Variants in DACH1 observed in about 807,000 individuals in gnomAD.
DACH1 encodes dachshund family transcription factor 1, also known as dachshund homolog 1.
A neutral mutation model predicts 54.2 loss-of-function variants in DACH1; 12 were observed. The ratio of observed to expected loss-of-function variants is 0.22; its 90% CI spans 0.14 to 0.36. The LOEUF (loss-of-function observed/expected upper bound fraction) is 0.36. Ranked by LOEUF, DACH1 falls within the 10% of genes least tolerant of loss-of-function variation. DACH1 has a pLI of 1.00. For synonymous variants in DACH1, 386 were observed against 366.2 expected, an observed-to-expected ratio of 1.05 and a Z score of -0.62; for missense variants, 805 against 929.8, an observed-to-expected ratio of 0.87 and a Z score of 1.75.
chr13:71,500,866 G>T lies in DACH1; in HGVS notation c.1571-11718C>A, dbSNP rs1331026. Among the ~76,000 whole-genome samples, 236 of 151,404 alleles carry T rather than the reference G, an allele frequency of 1.6e-3. 1 individual carries two copies. Among genetic ancestry groups the T allele is most frequent in the South Asian group, 7.3e-3 (35 of 4,776 alleles). ...AATCATAGAATCTACTTAAAAAGTG[G>T]TTTTTTTTTAAATTAAGCCTGAATA... On this transcript the variant is annotated intron_variant, in intron 6 of 10. Coordinates refer to ENST00000613252, the MANE Select transcript of DACH1 (RefSeq NM_080759.6).
intron 3 of DACH1, among the ~76,000 whole-genome samples, chr13:71,623,944 T>C (rs1270273447): frequency 6.6e-6 from 1 of 151,864 alleles, no homozygotes; most frequent in Non-Finnish European, 1.5e-5. Context: ...CATTTATCCT[T>C]TAGATTTTCA....
chr13:71,649,708 C>T (rs1027689847), intron 2 of DACH1, among the ~76,000 whole-genome samples: 9 of 152,200 alleles, frequency 5.9e-5, no homozygotes, highest in Middle Eastern at 3.4e-3. Flanking sequence ...ACAAAAAGAT[C>T]CACATTGTCA....
intron 1 of DACH1, among the ~76,000 whole-genome samples, chr13:71,734,980 GATAT>G (rs373427572): frequency 9.7e-5 from 14 of 144,466 alleles, no homozygotes; most frequent in Admixed American, 4.2e-4. Flanking sequence ...ACACACACAG[GATAT>G]ATATATATAT....
chr13:71,662,315 CT>C (rs996399565), intron 2 of DACH1, among the ~76,000 whole-genome samples: 77 of 152,038 alleles, frequency 5.1e-4, no homozygotes, highest in Non-Finnish European at 8.2e-4. Flanking sequence ...TGAATACATG[CT>C]TTTTTAAAAA....
chr13:71,499,110 C>T (rs763430513), intron 6 of DACH1, among the ~76,000 whole-genome samples: 3 of 104,568 alleles, frequency 2.9e-5, no homozygotes, highest in African/African-American at 6.4e-5. Flanking sequence ...TGCGAGCACG[C>T]GCACACACAC....
intron 7 of DACH1, among the ~76,000 whole-genome samples, chr13:71,482,806 T>C (rs903983521): frequency 1.3e-5 from 2 of 148,432 alleles, no homozygotes; most frequent in African/African-American, 5.0e-5. Context: ...TTTTTTTTTT[T>C]TTTTTTTTTT....
At chr13:71,752,778 A>G (rs942948839) in intron 1 of DACH1, among the ~76,000 whole-genome samples, 3 of 152,296 alleles carry the variant, frequency 2.0e-5, no homozygotes, top group Admixed American at 1.3e-4. Context: ...GTATCTTTTT[A>G]TATTTTGAAA....
Position 71,747,354 on chromosome 13 carries a change from G to A in DACH1, c.849-65444C>T, listed in dbSNP as rs773596378. Among the ~76,000 whole-genome samples, 18 of 152,060 alleles carry A rather than the reference G, an allele frequency of 1.2e-4. 1 individual carries two copies. Among genetic ancestry groups the A allele is most frequent in the South Asian group, 2.1e-4 (1 of 4,824 alleles). On this transcript the variant is annotated intron_variant, in intron 1 of 10. Coordinates refer to ENST00000613252, the MANE Select transcript of DACH1 (RefSeq NM_080759.6). ...GGCACTTTGGGAGGCCAAGGCAGGC[G>A]GATCACTTGAGGTCAGAAGTTCAAG...
chr13:71,728,995 T>C (rs1247713470), intron 1 of DACH1, among the ~76,000 whole-genome samples: 9 of 152,018 alleles, frequency 5.9e-5, no homozygotes, highest in African/African-American at 1.9e-4. Context: ...GGAAAGCATA[T>C]GGAAAACTTT....
chr13:71,516,055 A>G (rs1468431734), intron 6 of DACH1, among the ~76,000 whole-genome samples: 1 of 151,854 alleles, frequency 6.6e-6, no homozygotes, highest in African/African-American at 2.4e-5. Flanking sequence ...ATTTTTATCC[A>G]TTGTAGGATG....
At position 71,520,352 on chromosome 13, in the gene DACH1, G is replaced by A. The variant is rs148113595; in HGVS notation, c.1571-31204C>T. Among the ~76,000 whole-genome samples the A allele has an allele frequency of 7.3e-3, 1,114 of 151,732 alleles. 22 individuals carry two copies. The highest frequency in any genetic ancestry group is 7.2e-3 in the Non-Finnish European group (488 of 67,818). ...TCAATCCACAGGATTTTTGTAAAAT[G>A]CTATTGCAATTATTTTAGACTATCC... On this transcript the variant is annotated intron_variant, in intron 6 of 10. Coordinates refer to ENST00000613252, the MANE Select transcript of DACH1 (RefSeq NM_080759.6).
intron 2 of DACH1, among the ~76,000 whole-genome samples, chr13:71,649,805 A>G (rs966979068): frequency 1.1e-4 from 17 of 152,204 alleles, no homozygotes; most frequent in Non-Finnish European, 1.8e-4. Context: ...ACACTGAAAA[A>G]GAGATCCAGT....
At chr13:71,605,591 T>G (rs568742169) in intron 3 of DACH1, among the ~76,000 whole-genome samples, 61 of 152,090 alleles carry the variant, frequency 4.0e-4, no homozygotes, top group African/African-American at 1.4e-3. Flanking sequence ...CATGTATGCT[T>G]ATATCATTTT....
chr13:71,736,172 G>C (rs1464610282), intron 1 of DACH1, among the ~76,000 whole-genome samples: 1 of 152,078 alleles, frequency 6.6e-6, no homozygotes, highest in East Asian at 1.9e-4. Flanking sequence ...AATAGCTTTT[G>C]TTCAAAGTGA....
At chr13:71,854,933 T>TACAGTGAAA (rs1873904870) in intron 1 of DACH1, among the ~76,000 whole-genome samples, 1 of 152,036 alleles carries the variant, frequency 6.6e-6, no homozygotes, top group Non-Finnish European at 1.5e-5. Flanking sequence ...AAATTGTTAA[T>TACAGTGAAA]TTACAGTGAA....
chr13:71,791,229 T>C (rs1886817205), intron 1 of DACH1, among the ~76,000 whole-genome samples: 1 of 152,208 alleles, frequency 6.6e-6, no homozygotes, highest in Admixed American at 6.6e-5. Flanking sequence ...CCAGCTGTGC[T>C]AATATAACCC....
chr13:71,797,629 T>C (rs1453284742), intron 1 of DACH1, among the ~76,000 whole-genome samples: 1 of 152,026 alleles, frequency 6.6e-6, no homozygotes, highest in Non-Finnish European at 1.5e-5. Flanking sequence ...GGGTAGTTGG[T>C]GCTGAGGAGA....
At chr13:71,618,338 C>G (rs921599004) in intron 3 of DACH1, among the ~76,000 whole-genome samples, 3 of 152,002 alleles carry the variant, frequency 2.0e-5, no homozygotes, top group African/African-American at 4.8e-5. Context: ...TAGAAAAACT[C>G]AGAAACTGCT....
intron 3 of DACH1, among the ~76,000 whole-genome samples, chr13:71,576,835 T>C (rs1222668158): frequency 6.6e-6 from 1 of 152,124 alleles, no homozygotes; most frequent in African/African-American, 2.4e-5. Context: ...AGACAGAAGC[T>C]AGCTCAGCTT....
Sources: allele counts gnomAD v4.1 joint callset (sites outside exome capture counted in the v4.1 genomes callset), GRCh38; gene constraint gnomAD v4.1.1; transcripts MANE v1.5; gene names NCBI Gene and HGNC (gene_info 2026-07-23, HGNC 2026-07-21).